SPIDR: variants seen among roughly 807,000 people sequenced by gnomAD.
SPIDR encodes DNA repair-scaffolding protein.
A neutral mutation model predicts 104.6 loss-of-function variants in SPIDR; 93 were observed. The observed-to-expected ratio is 0.89, with a 90% CI of 0.75 to 1.06. The LOEUF is 1.06. Ranked by LOEUF, SPIDR falls within the 50% of genes least tolerant of loss-of-function variation. The pLI is 0.00. For synonymous variants in SPIDR, 431 were observed against 416.9 expected (o/e 1.03, Z -0.41); for missense variants, 1,154 against 1,111.2 (o/e 1.04, Z -0.55).
intron 8 of SPIDR, among the ~76,000 whole-genome samples, chr8:47,498,184 T>A (rs556260595): frequency 3.9e-5 from 6 of 152,310 alleles, no homozygotes; most frequent in Admixed American, 3.9e-4. Flanking sequence ...TCTCTCTCTC[T>A]GTCTCTCTTT....
At chr8:47,697,957 T>C (rs1385202377) in intron 11 of SPIDR, 1 of 152,190 alleles carries the variant, frequency 6.6e-6, no homozygotes, top group Non-Finnish European at 1.5e-5. Context: ...CTGGCCCTGC[T>C]TCTCTCCTTG....
At chr8:47,414,474 C>T (rs1420559480) in intron 7 of SPIDR, among the ~76,000 whole-genome samples, 1 of 152,282 alleles carries the variant, frequency 6.6e-6, no homozygotes, top group East Asian at 1.9e-4. Flanking sequence ...TAAGATTCTC[C>T]TTATTTATCT....
intron 8 of SPIDR, among the ~76,000 whole-genome samples, chr8:47,447,283 G>A (rs782425474): frequency 1.7e-4 from 26 of 152,056 alleles, no homozygotes; most frequent in Middle Eastern, 3.4e-3. Flanking sequence ...GCACAGTCTC[G>A]GCTCACTGCA....
intron 1 of SPIDR, among the ~76,000 whole-genome samples, chr8:47,264,580 A>G (rs2033451614): frequency 6.6e-6 from 1 of 151,590 alleles, no homozygotes; most frequent in Non-Finnish European, 1.5e-5. Flanking sequence ...GAAGTAGCCA[A>G]GGACGACCAC....
chr8:47,709,502 C>T (rs1198514017), intron 14 of SPIDR, among the ~76,000 whole-genome samples: 2 of 152,188 alleles, frequency 1.3e-5, no homozygotes, highest in Non-Finnish European at 2.9e-5. Flanking sequence ...TCTCGAACTC[C>T]TGACCTCAAG....
intron 5 of SPIDR, among the ~76,000 whole-genome samples, chr8:47,344,643 T>C (rs541141789): frequency 6.6e-6 from 1 of 152,222 alleles, no homozygotes; most frequent in Non-Finnish European, 1.5e-5. Context: ...GTTTCCTGAC[T>C]TTTTAATGAT....
intron 5 of SPIDR, among the ~76,000 whole-genome samples, chr8:47,345,704 T>C (rs2051824057): frequency 6.6e-6 from 1 of 152,246 alleles, no homozygotes; most frequent in Admixed American, 6.5e-5. Context: ...GATTGCTAGG[T>C]ATTTTATTCT....
chr8:47,452,461 G>T (rs556940267), intron 8 of SPIDR, among the ~76,000 whole-genome samples: 1 of 152,108 alleles, frequency 6.6e-6, no homozygotes, highest in African/African-American at 2.4e-5. Context: ...CAGAAATCCT[G>T]AATCAAATAC....
intron 10 of SPIDR, among the ~76,000 whole-genome samples, chr8:47,606,072 T>A (rs1006467313): frequency 3.3e-5 from 5 of 152,162 alleles, no homozygotes; most frequent in Admixed American, 2.6e-4. Flanking sequence ...TGTGTAAATT[T>A]GTATGTGAAG....
intron 1 of SPIDR, among the ~76,000 whole-genome samples, chr8:47,274,949 T>C (rs1018805546): frequency 6.7e-6 from 1 of 149,466 alleles, no homozygotes; most frequent in Non-Finnish European, 1.5e-5. Context: ...TGCTAGAAAA[T>C]AAAGACTACA....
intron 10 of SPIDR, 93 bp from the exon 11 acceptor site, chr8:47,673,708 T>C (rs2154472422): frequency 6.5e-7 from 1 of 1,531,734 alleles, no homozygotes; most frequent in Non-Finnish European, 9.0e-7. Context: ...CACAGCAGTA[T>C]ATAGTGGCTT....
At chr8:47,302,148 T>G (rs1365523179) in intron 5 of SPIDR, among the ~76,000 whole-genome samples, 1 of 148,258 alleles carries the variant, frequency 6.7e-6, no homozygotes, top group African/African-American at 2.5e-5. Flanking sequence ...TCGTTTCTTT[T>G]AATTCTTTTT....
chr8:47,489,168 A>T lies in SPIDR; in HGVS notation c.1097+48626A>T, dbSNP rs528589862. Reference sequence around the variant, plus strand: ...CTTCAGCAAAGTCTCAAGATACAAAATCAATGTGCAAAAATCACAAGCATT... The same window carrying T: ...CTTCAGCAAAGTCTCAAGATACAAATTCAATGTGCAAAAATCACAAGCATT... On this transcript the variant is annotated intron_variant, in intron 8 of 19. Transcript: ENST00000297423. Among the ~76,000 whole-genome samples, 6 of 152,342 alleles carry T rather than the reference A, an allele frequency of 3.9e-5. No homozygotes were observed. In the East Asian group the frequency reaches 1.2e-3, roughly 29 times the overall value.
At chr8:47,375,707 C>T (rs2058591971) in intron 5 of SPIDR, among the ~76,000 whole-genome samples, 1 of 152,100 alleles carries the variant, frequency 6.6e-6, no homozygotes, top group East Asian at 1.9e-4. Flanking sequence ...CTCAGGGGAT[C>T]TCCCTGAGTA....
At chr8:47,358,271 A>G (rs1280194580) in intron 5 of SPIDR, among the ~76,000 whole-genome samples, 1 of 152,050 alleles carries the variant, frequency 6.6e-6, no homozygotes, top group Non-Finnish European at 1.5e-5. Context: ...AAAGTTTTAT[A>G]GAGATAGAGT....
intron 5 of SPIDR, among the ~76,000 whole-genome samples, chr8:47,305,611 A>G (rs1288984622): frequency 1.3e-5 from 2 of 152,214 alleles, no homozygotes; most frequent in Admixed American, 1.3e-4. Context: ...ACAAACCTTT[A>G]AAAACATTTC....
chr8:47,368,451 T>C (rs1370975055), intron 5 of SPIDR, among the ~76,000 whole-genome samples: 1 of 92,732 alleles, frequency 1.1e-5, no homozygotes, highest in Non-Finnish European at 2.8e-5. Context: ...AAAACTAAGA[T>C]AAGATTTCAG....
At chr8:47,264,576 G>T (rs2033450468) in intron 1 of SPIDR, among the ~76,000 whole-genome samples, 1 of 151,684 alleles carries the variant, frequency 6.6e-6, no homozygotes, top group Admixed American at 6.6e-5. Context: ...TTATGAAGTA[G>T]CCAAGGACGA....
At chr8:47,577,342 G>C (rs541352284) in intron 8 of SPIDR, among the ~76,000 whole-genome samples, 1 of 152,220 alleles carries the variant, frequency 6.6e-6, no homozygotes, top group Non-Finnish European at 1.5e-5. Context: ...AAGTGGACAG[G>C]CTCCATAGAA....
Sources: gnomAD v4.1 joint callset for allele counts (sites outside exome capture counted in the v4.1 genomes callset) on GRCh38, gnomAD v4.1.1 for gene constraint, MANE v1.5 for transcripts, NCBI Gene and HGNC (gene_info 2026-07-23, HGNC 2026-07-21) for gene names.